Variants in GNA14 observed in about 807,000 individuals in gnomAD.
GNA14 encodes G protein subunit alpha 14, also known as guanine nucleotide-binding protein subunit alpha-14.
In GNA14, 50 loss-of-function variants were observed where a neutral mutation model predicts 42.0. The ratio of observed to expected loss-of-function variants is 1.19; its 90% confidence interval spans 0.95 to 1.51. The LOEUF (loss-of-function observed/expected upper bound fraction) is 1.51, where lower values mean the gene tolerates loss of function less well. Among genes scored for constraint, GNA14 ranks in the 40% most tolerant of loss-of-function variants. The pLI, the probability that GNA14 is intolerant of heterozygous loss-of-function variation, is 0.00. For missense variants in GNA14, 473 were observed against 446.2 expected, an observed-to-expected ratio of 1.06 and a Z score of -0.54; for synonymous variants, 173 against 163.1, an observed-to-expected ratio of 1.06 and a Z score of -0.46.
chr9:77,550,570 A>G (rs1481385465), intron 1 of GNA14, among the ~76,000 whole-genome samples: 1 of 152,244 alleles, frequency 6.6e-6, no homozygotes, highest in Non-Finnish European at 1.5e-5. Flanking sequence ...ATCTAGGTTC[A>G]AAACACACTC....
chr9:77,599,974 T>C (rs1317073799), intron 1 of GNA14, among the ~76,000 whole-genome samples: 2 of 152,246 alleles, frequency 1.3e-5, no homozygotes, highest in African/African-American at 4.8e-5. Flanking sequence ...CCTTTTTCTA[T>C]TAAAAGTCAG....
chr9:77,495,954 G>A (rs1465879633), intron 2 of GNA14, among the ~76,000 whole-genome samples: 3 of 152,174 alleles, frequency 2.0e-5, no homozygotes, highest in African/African-American at 7.2e-5. Flanking sequence ...TTTCATGAGA[G>A]GAATGGAGAG....
intron 2 of GNA14, among the ~76,000 whole-genome samples, chr9:77,473,065 C>T (rs1836360061): frequency 6.6e-6 from 1 of 152,158 alleles, no homozygotes; most frequent in Non-Finnish European, 1.5e-5. Context: ...CCATTTAGAA[C>T]AGCATCAAAG....
chr9:77,537,424 A>G (rs1299063483), intron 1 of GNA14, among the ~76,000 whole-genome samples: 1 of 152,126 alleles, frequency 6.6e-6, no homozygotes, highest in African/African-American at 2.4e-5. Context: ...TTCTTTTTCT[A>G]TGGCTGAATA....
intron 2 of GNA14, among the ~76,000 whole-genome samples, chr9:77,501,956 C>T (rs1836982577): frequency 6.6e-6 from 1 of 152,118 alleles, no homozygotes; most frequent in Non-Finnish European, 1.5e-5. Context: ...ATCCACCTGC[C>T]TCAGCCTCCC....
At chr9:77,472,365 G>GA (rs1434749769) in intron 2 of GNA14, among the ~76,000 whole-genome samples, 2 of 152,108 alleles carry the variant, frequency 1.3e-5, no homozygotes, top group African/African-American at 4.8e-5. Flanking sequence ...TGATATGATG[G>GA]AAAACTGCAT....
intron 1 of GNA14, among the ~76,000 whole-genome samples, chr9:77,566,718 T>G (rs191008830): frequency 9.9e-4 from 150 of 152,030 alleles, no homozygotes; most frequent in African/African-American, 3.1e-3. Context: ...AGTCCTAGAG[T>G]TTTAAGTAAT....
chr9:77,460,899 C>T (rs1836093309), intron 2 of GNA14, among the ~76,000 whole-genome samples: 1 of 152,164 alleles, frequency 6.6e-6, no homozygotes, highest in African/African-American at 2.4e-5. Context: ...AGCACCTCTC[C>T]CTTACAGGTC....
At chr9:77,622,779 A>C (rs1352889746) in intron 1 of GNA14, among the ~76,000 whole-genome samples, 1 of 150,712 alleles carries the variant, frequency 6.6e-6, no homozygotes, top group Non-Finnish European at 1.5e-5. Flanking sequence ...CTGTAGTCCC[A>C]AATGCTTGGG....
intron 1 of GNA14, among the ~76,000 whole-genome samples, chr9:77,596,149 C>T (rs1482621765): frequency 6.6e-6 from 1 of 152,102 alleles, no homozygotes; most frequent in Non-Finnish European, 1.5e-5. Context: ...ACAGCCTTCT[C>T]TCTGAATGCC....
At chr9:77,523,116 C>A (rs1193191890) in intron 2 of GNA14, among the ~76,000 whole-genome samples, 1 of 152,182 alleles carries the variant, frequency 6.6e-6, no homozygotes, top group East Asian at 1.9e-4. Context: ...AAATTAGATA[C>A]TTGGAGTGGA....
intron 2 of GNA14, among the ~76,000 whole-genome samples, chr9:77,493,026 A>AAAAAAATAT (rs1554691641): frequency 3.9e-5 from 2 of 51,714 alleles, no homozygotes; most frequent in African/African-American, 2.3e-4. Context: ...AAAAAAAAAA[A>AAAAAAATAT]ATATATATAT....
intron 2 of GNA14, among the ~76,000 whole-genome samples, chr9:77,459,961 G>A (rs559389471): frequency 1.3e-5 from 2 of 152,228 alleles, no homozygotes; most frequent in South Asian, 4.1e-4. Context: ...AATGGGTCTC[G>A]TGGATCCCCT....
At chr9:77,450,462 C>G (rs553591060) in intron 2 of GNA14, among the ~76,000 whole-genome samples, 1 of 152,294 alleles carries the variant, frequency 6.6e-6, no homozygotes, top group East Asian at 1.9e-4. Flanking sequence ...TCTCATCATT[C>G]ATGATTCCAT....
At chr9:77,623,496 G>GA (rs1166671153) in intron 1 of GNA14, among the ~76,000 whole-genome samples, 1 of 152,138 alleles carries the variant, frequency 6.6e-6, no homozygotes, top group Non-Finnish European at 1.5e-5. Flanking sequence ...GGCTGAATAG[G>GA]AACAGCTCCT....
At chr9:77,640,448 T>C (rs747410908) in intron 1 of GNA14, among the ~76,000 whole-genome samples, 24 of 152,248 alleles carry the variant, frequency 1.6e-4, no homozygotes, top group African/African-American at 3.6e-4. Context: ...TTAAGTATCA[T>C]GGGAAATGAG....
chr9:77,499,117 A>T (rs930134947), intron 2 of GNA14, among the ~76,000 whole-genome samples: 7 of 152,216 alleles, frequency 4.6e-5, no homozygotes, highest in Non-Finnish European at 1.0e-4. Flanking sequence ...GTAAGATGGT[A>T]TTAAGGAAAG....
intron 1 of GNA14, among the ~76,000 whole-genome samples, chr9:77,632,236 G>C (rs1824110480): frequency 6.6e-6 from 1 of 152,224 alleles, no homozygotes. Context: ...GAAGCTTGGT[G>C]CTGGGCCACA....
At chr9:77,615,766 G>A (rs559195825) in intron 1 of GNA14, among the ~76,000 whole-genome samples, 1 of 149,810 alleles carries the variant, frequency 6.7e-6, no homozygotes, top group South Asian at 2.1e-4. Context: ...TAAATAATCA[G>A]TGAAGAATTT....
Sources: gnomAD v4.1 joint callset for allele counts (sites outside exome capture counted in the v4.1 genomes callset) on GRCh38, gnomAD v4.1.1 for gene constraint, MANE v1.5 for transcripts, NCBI Gene and HGNC (gene_info 2026-07-23, HGNC 2026-07-21) for gene names.